Variants in RCAN1 observed in about 807,000 individuals in gnomAD.
RCAN1 encodes the protein regulator of calcineurin 1.
In RCAN1, 11 loss-of-function variants were observed where a neutral mutation model predicts 22.9. The observed-to-expected ratio is 0.48, with a 90% CI of 0.30 to 0.79. RCAN1 has a LOEUF of 0.79. Ranked by LOEUF, RCAN1 falls within the 30% of genes least tolerant of loss-of-function variation. The pLI, the probability that RCAN1 is intolerant of heterozygous loss-of-function variation, is 0.06. For missense variants in RCAN1, 291 were observed against 337.8 expected, an observed-to-expected ratio of 0.86 and a Z score of 1.09; for synonymous variants, 136 against 142.3, an observed-to-expected ratio of 0.96 and a Z score of 0.32.
chr21:34,574,865 GA>G (rs1987358995), intron 1 of RCAN1, among the ~76,000 whole-genome samples: 2 of 152,182 alleles, frequency 1.3e-5, no homozygotes, highest in Admixed American at 6.5e-5. Context: ...TGGCATCGAA[GA>G]ACATTTTTAT....
chr21:34,550,976 T>G (rs1158304284), intron 1 of RCAN1, among the ~76,000 whole-genome samples: 2 of 152,198 alleles, frequency 1.3e-5, no homozygotes, highest in African/African-American at 2.4e-5. Context: ...TGTAAGTAAC[T>G]CATTCACATA....
chr21:34,554,747 T>C (rs955999233), intron 1 of RCAN1, among the ~76,000 whole-genome samples: 4 of 152,214 alleles, frequency 2.6e-5, no homozygotes, highest in African/African-American at 9.6e-5. Flanking sequence ...CTGGGCAATT[T>C]ACAAAAGAAA....
chr21:34,526,949 G>C, intron 1 of RCAN1: 3 of 1,382,814 alleles, frequency 2.2e-6, no homozygotes, highest in Non-Finnish European at 1.9e-6. Context: ...AGTCCTGCAT[G>C]CTTGCAGGCA....
intron 1 of RCAN1, among the ~76,000 whole-genome samples, chr21:34,530,616 G>GTTGTTTTTT (rs1985325221): frequency 3.0e-5 from 2 of 66,194 alleles, no homozygotes; most frequent in African/African-American, 1.1e-4. Context: ...TAGTGAAATA[G>GTTGTTTTTT]TTTTTTTTTT....
intron 1 of RCAN1, among the ~76,000 whole-genome samples, chr21:34,600,748 G>T (rs1988309893): frequency 6.6e-6 from 1 of 152,104 alleles, no homozygotes; most frequent in South Asian, 2.1e-4. Flanking sequence ...TTGCAACTTT[G>T]TAGCAAAGCT....
At position 34,611,280 on chromosome 21, in the gene RCAN1, C is replaced by G. The variant is rs138794090; in HGVS notation, c.252+3480G>C. On this transcript the variant is annotated intron_variant, in intron 1 of 3. Transcript: ENST00000313806. ...AAAGAGTACTATAATGGAATATGTTCATCAAATATTTGTACAAACAGAAAA... is the reference window on the plus strand; with the variant it reads ...AAAGAGTACTATAATGGAATATGTTGATCAAATATTTGTACAAACAGAAAA... Among the ~76,000 whole-genome samples, 9 of 152,206 alleles carry G rather than the reference C, an allele frequency of 5.9e-5. No homozygotes were observed. In the East Asian group the frequency reaches 1.7e-3, roughly 29 times the overall value.
chr21:34,570,474 A>G (rs149617023), intron 1 of RCAN1, among the ~76,000 whole-genome samples: 47 of 152,346 alleles, frequency 3.1e-4, no homozygotes, highest in African/African-American at 1.1e-3. Context: ...AATATGAGTT[A>G]AGATTATAAA....
intron 1 of RCAN1, among the ~76,000 whole-genome samples, chr21:34,604,491 T>C (rs1988463033): frequency 6.6e-6 from 1 of 152,172 alleles, no homozygotes; most frequent in Non-Finnish European, 1.5e-5. Flanking sequence ...GTACTGTATA[T>C]GTTTCCAAGA....
chr21:34,555,945 C>T (rs1163467180), intron 1 of RCAN1, among the ~76,000 whole-genome samples: 1 of 151,726 alleles, frequency 6.6e-6, no homozygotes, highest in Admixed American at 6.6e-5. Context: ...TGCCTGTCGT[C>T]TCAGCTACTC....
chr21:34,541,349 A>G (rs889008466), intron 1 of RCAN1, among the ~76,000 whole-genome samples: 10 of 152,204 alleles, frequency 6.6e-5, no homozygotes, highest in Admixed American at 4.6e-4. Context: ...GCATTTCCTC[A>G]TTACTACCTA....
chr21:34,597,176 C>A (rs1601212828), intron 1 of RCAN1, among the ~76,000 whole-genome samples: 1 of 152,144 alleles, frequency 6.6e-6, no homozygotes, highest in East Asian at 1.9e-4. Context: ...TCTGCAGCTA[C>A]CAGCCACATG....
At chr21:34,531,329 C>T (rs927397959) in intron 1 of RCAN1, among the ~76,000 whole-genome samples, 14 of 152,154 alleles carry the variant, frequency 9.2e-5, no homozygotes, top group African/African-American at 3.1e-4. Flanking sequence ...GAACTATGCC[C>T]GCCTTGGGCC....
intron 1 of RCAN1, among the ~76,000 whole-genome samples, chr21:34,540,009 A>T (rs1985846651): frequency 6.6e-6 from 1 of 152,106 alleles, no homozygotes; most frequent in Non-Finnish European, 1.5e-5. Context: ...ATGTCCCTAC[A>T]TCTATTCCTT....
chr21:34,524,011 G>A (rs1984815727), intron 1 of RCAN1: 2 of 204,556 alleles, frequency 9.8e-6, no homozygotes, highest in Admixed American at 1.1e-4. Flanking sequence ...TCAAGCTCCT[G>A]TCCTCAGGTG....
rs150480662 is a variant in RCAN1, at chr21:34,609,416, A to AC, written c.252+5343dup. Among the ~76,000 whole-genome samples, 1,223 of 152,278 alleles carry AC rather than the reference A, an allele frequency of 8.0e-3. 20 individuals are homozygous for AC. Among genetic ancestry groups the AC allele is most frequent in the African/African-American group, 0.028 (1,172 of 41,546 alleles). On this transcript the variant is annotated intron_variant, in intron 1 of 3. Coordinates refer to ENST00000313806, the MANE Select transcript of RCAN1 (RefSeq NM_004414.7). ...TACACCCAGGGTCTACCCATCCCAC[A>AC]CATGCTGATGTGTGCACAGTCACTA... is the stretch of plus-strand genomic sequence containing the variant.
At chr21:34,585,585 C>T (rs1160799291) in intron 1 of RCAN1, among the ~76,000 whole-genome samples, 2 of 151,430 alleles carry the variant, frequency 1.3e-5, no homozygotes, top group African/African-American at 4.9e-5. Flanking sequence ...CCACTAAAAA[C>T]ACAAAAAATT....
chr21:34,564,765 C>G (rs1371678003), intron 1 of RCAN1, among the ~76,000 whole-genome samples: 3 of 152,166 alleles, frequency 2.0e-5, no homozygotes, highest in Non-Finnish European at 2.9e-5. Context: ...GGCTTGACCT[C>G]TGCTTGTCAT....
intron 1 of RCAN1, among the ~76,000 whole-genome samples, chr21:34,557,935 T>C (rs1215890904): frequency 6.6e-6 from 1 of 152,168 alleles, no homozygotes; most frequent in African/African-American, 2.4e-5. Flanking sequence ...TAAGGCTACA[T>C]GTTGTGCTTA....
At chr21:34,570,640 CTT>C (rs56226026) in intron 1 of RCAN1, among the ~76,000 whole-genome samples, 69 of 134,724 alleles carry the variant, frequency 5.1e-4, no homozygotes, top group African/African-American at 9.2e-4. Context: ...ATAGTGGACT[CTT>C]TTTTTTTTTT....
Sources: allele counts gnomAD v4.1 joint callset (sites outside exome capture counted in the v4.1 genomes callset), GRCh38; gene constraint gnomAD v4.1.1; transcripts MANE v1.5; gene names NCBI Gene and HGNC (gene_info 2026-07-23, HGNC 2026-07-21).